The following TNFRSF21 variants were observed in gnomAD, a reference collection of about 807,000 sequenced individuals.
TNFRSF21 encodes the protein TNF receptor superfamily member 21, also known as tumor necrosis factor receptor superfamily member 21.
In TNFRSF21, 19 loss-of-function variants were observed where a neutral mutation model predicts 45.6. That is an observed-to-expected ratio of 0.42 (90% CI 0.29 to 0.61). The LOEUF is 0.61. Ranked by LOEUF, TNFRSF21 falls within the 20% of genes least tolerant of loss-of-function variation. The pLI is 0.23. For missense variants in TNFRSF21, 737 were observed against 851.5 expected (o/e 0.87, Z 1.67); for synonymous variants, 314 against 335.5 (o/e 0.94, Z 0.70).
intron 1 of TNFRSF21, among the ~76,000 whole-genome samples, chr6:47,308,593 G>C (rs1762971417): frequency 6.6e-6 from 1 of 152,238 alleles, no homozygotes; most frequent in Admixed American, 6.5e-5. Flanking sequence ...CAGCTTAGAC[G>C]ATGAGGGAGA....
chr6:47,265,735 C>T (rs1025617044), intron 3 of TNFRSF21, among the ~76,000 whole-genome samples: 1 of 152,140 alleles, frequency 6.6e-6, no homozygotes, highest in Admixed American at 6.5e-5. Flanking sequence ...GCAGAAGAAG[C>T]CTTTCCTATA....
At position 47,268,334 on chromosome 6, in the gene TNFRSF21, T is replaced by G. The variant is rs9473048; in HGVS notation, c.1244-14813A>C. On this transcript the variant is annotated intron_variant, in intron 3 of 5. Transcript: ENST00000296861. ...TAAGCATTCAGTAAACAGGAAGTAT[T>G]ACTTCTCTCCCTTCCCTCACCAATA... 9.3e-4 allele frequency among the ~76,000 whole-genome samples: 141 copies of G among 152,314 alleles called. 1 individual carries two copies. Among genetic ancestry groups the G allele is most frequent in the Non-Finnish European group, 7.5e-4 (51 of 68,024 alleles).
At chr6:47,240,889 A>G (rs1040023664) in intron 4 of TNFRSF21, among the ~76,000 whole-genome samples, 6 of 152,242 alleles carry the variant, frequency 3.9e-5, no homozygotes, top group Non-Finnish European at 7.3e-5. Context: ...ACAAACAAAC[A>G]AATTCAATTT....
intron 1 of TNFRSF21, among the ~76,000 whole-genome samples, chr6:47,300,662 A>C (rs1762854441): frequency 1.3e-5 from 2 of 152,106 alleles, no homozygotes; most frequent in East Asian, 1.9e-4. Context: ...CTGAGCAGCA[A>C]CCACCGTAAT....
intron 4 of TNFRSF21, among the ~76,000 whole-genome samples, chr6:47,241,914 A>G (rs1289637791): frequency 2.0e-5 from 3 of 152,174 alleles, no homozygotes; most frequent in Admixed American, 6.5e-5. Flanking sequence ...CTTCCATTGC[A>G]TAAGTAGGGA....
chr6:47,273,542 C>T (rs1561946095), intron 3 of TNFRSF21, among the ~76,000 whole-genome samples: 1 of 152,136 alleles, frequency 6.6e-6, no homozygotes. Flanking sequence ...ATGACAAACC[C>T]ACAGCCAACA....
chr6:47,272,519 T>G (rs565527397), intron 3 of TNFRSF21, among the ~76,000 whole-genome samples: 1 of 152,304 alleles, frequency 6.6e-6, no homozygotes, highest in African/African-American at 2.4e-5. Context: ...TAAAGCAGTG[T>G]GTAGAGGGAA....
intron 4 of TNFRSF21, among the ~76,000 whole-genome samples, 180 bp downstream of exon 4, chr6:47,253,076 A>G (rs1358263791): frequency 2.0e-5 from 3 of 151,832 alleles, no homozygotes; most frequent in African/African-American, 7.3e-5. Context: ...ATAGACGGCC[A>G]CTGAGAACCC....
rs200111884 is a variant in TNFRSF21, at chr6:47,286,248, C to T, written c.444G>A (p.Thr148=). Residue 148 remains threonine, a synonymous_variant, in exon 2 of 6, where the codon ACG becomes ACA. Transcript: ENST00000296861. ...GCACACCCCAACCCACAGGACACAC[C>T]GTATGGGGGGCACAGGTAGCGTTAG... The part of the protein sequence containing the change: ...FQSNATCAPH[T]VCPVGWGVRK... 2.3e-5 allele frequency: 37 copies of T among 1,614,196 alleles called. No individual in the cohort carries two copies. Among genetic ancestry groups the T allele is most frequent in the East Asian group, 4.5e-5 (2 of 44,880 alleles).
intron 4 of TNFRSF21, among the ~76,000 whole-genome samples, chr6:47,245,427 AGTGTGTGT>A (rs375623340): frequency 1.3e-4 from 18 of 142,182 alleles, no homozygotes; most frequent in East Asian, 4.1e-4. Flanking sequence ...ACTAAGAAGA[AGTGTGTGT>A]GTGTGTGTGT....
intron 4 of TNFRSF21, among the ~76,000 whole-genome samples, chr6:47,240,827 T>C (rs1764734777): frequency 6.6e-6 from 1 of 152,206 alleles, no homozygotes; most frequent in Non-Finnish European, 1.5e-5. Context: ...AATAACTTTG[T>C]TTTCTATTGA....
At chr6:47,247,644 G>A (rs1224274617) in intron 4 of TNFRSF21, among the ~76,000 whole-genome samples, 1 of 152,182 alleles carries the variant, frequency 6.6e-6, no homozygotes, top group Non-Finnish European at 1.5e-5. Context: ...CTGCAGCAGA[G>A]GCAGGAGTGC....
chr6:47,253,661 A>G (rs1474863), intron 3 of TNFRSF21, 140 bp from the exon 4 acceptor site: 48,624 of 986,746 alleles, frequency 0.049, 1,628 homozygotes, highest in African/African-American at 0.13. Context: ...TGCCTCCCTT[A>G]AGCACTTGGC....
In TNFRSF21 at chr6:47,256,323, A is replaced by C. The variant is rs189648844; in HGVS notation, c.1244-2802T>G. 1.5e-3 allele frequency among the ~76,000 whole-genome samples: 230 copies of C among 152,310 alleles called. 2 individuals are homozygous for C. The highest frequency in any genetic ancestry group is 3.4e-3 in the Middle Eastern group (1 of 294). On this transcript the variant is annotated intron_variant, in intron 3 of 5. Transcript: ENST00000296861. ...TGGATCGCTTGAGTCCAGGAGTTTG[A>C]GACCAGCCTGGGCAACATGGTGAAA...
intron 1 of TNFRSF21, among the ~76,000 whole-genome samples, chr6:47,293,234 C>T (rs951967244): frequency 5.9e-5 from 9 of 152,180 alleles, no homozygotes; most frequent in Non-Finnish European, 1.2e-4. Context: ...AGGCCAGGGA[C>T]GACCACATAG....
rs72863426 is a variant in TNFRSF21, at chr6:47,304,002, T to G, written c.96+5414A>C. Among the ~76,000 whole-genome samples, 1,174 of 152,328 alleles carry G rather than the reference T, an allele frequency of 7.7e-3. 7 individuals are homozygous for G. Among genetic ancestry groups the G allele is most frequent in the Middle Eastern group, 0.044 (13 of 294 alleles). ...TCATTCTGTCAAACAGACATATCTT[T>G]GCCTAATGGTCCACACTGAGTCAGC... On this transcript the variant is annotated intron_variant, in intron 1 of 5. Transcript: ENST00000296861.
chr6:47,234,707 G>T lies in TNFRSF21; in HGVS notation c.1701C>A (p.Ser567=). The T allele has an allele frequency of 6.2e-7, 1 of 1,611,622 alleles. No individual in the cohort carries two copies. Among genetic ancestry groups the T allele is most frequent in the Non-Finnish European group, 8.5e-7 (1 of 1,178,996 alleles). The change falls in exon 5 of 6, where the codon TCC becomes TCA. Residue 567 remains serine (S), a synonymous_variant. Transcript: ENST00000296861. ...AGGAACCGTTCCTGCTCAGCGCGGAGGAGCCGCTGGATGTAGAGTCACAGC... is the reference window on the plus strand; with the variant it reads ...AGGAACCGTTCCTGCTCAGCGCGGATGAGCCGCTGGATGTAGAGTCACAGC... ...LLRCDSTSSG[S]SALSRNGSFI...
At chr6:47,273,667 T>C (rs1206200035) in intron 3 of TNFRSF21, among the ~76,000 whole-genome samples, 3 of 152,148 alleles carry the variant, frequency 2.0e-5, no homozygotes, top group Non-Finnish European at 4.4e-5. Flanking sequence ...GCCAGGGCAA[T>C]CAGGCAAGAG....
intron 4 of TNFRSF21, among the ~76,000 whole-genome samples, chr6:47,240,196 C>T (rs979735589): frequency 2.0e-5 from 3 of 152,174 alleles, no homozygotes; most frequent in African/African-American, 7.2e-5. Context: ...AAGCTCCTTA[C>T]AGTAAAGTCG....
Sources: gnomAD v4.1 joint callset for allele counts (sites outside exome capture counted in the v4.1 genomes callset) on GRCh38, gnomAD v4.1.1 for gene constraint, MANE v1.5 for transcripts, NCBI Gene and HGNC (gene_info 2026-07-23, HGNC 2026-07-21) for gene names.